The following PSD3 variants were observed in gnomAD, a reference collection of about 807,000 sequenced individuals.
The protein encoded by PSD3 is pleckstrin and Sec7 domain containing 3, also known as PH and SEC7 domain-containing protein 3.
Under a neutral mutation model 105.5 loss-of-function variants are expected in PSD3, and 49 were observed. The ratio of observed to expected loss-of-function variants is 0.46; its 90% CI spans 0.37 to 0.59. The LOEUF is 0.59. PSD3 is among the 20% of genes least tolerant of loss of function. The pLI is 0.00. For missense variants in PSD3, 1,561 were observed against 1,263.8 expected (o/e 1.24, Z -3.57); for synonymous variants, 557 against 457.8 (o/e 1.22, Z -2.77).
chr8:18,537,466 C>G (rs1307806547), intron 15 of PSD3, among the ~76,000 whole-genome samples: 1 of 152,170 alleles, frequency 6.6e-6, no homozygotes, highest in African/African-American at 2.4e-5. Context: ...AGGCCATTCT[C>G]AACTCCTTCT....
intron 1 of PSD3, among the ~76,000 whole-genome samples, chr8:18,998,853 A>G (rs1365600): frequency 0.7 from 105,958 of 151,500 alleles, 37,888 homozygotes; most frequent in East Asian, 0.91. Flanking sequence ...TTCCAGGTGT[A>G]ACCCATTTTC....
chr8:18,857,567 G>C (rs999359632), intron 4 of PSD3, among the ~76,000 whole-genome samples: 1 of 152,210 alleles, frequency 6.6e-6, no homozygotes, highest in African/African-American at 2.4e-5. Flanking sequence ...AGAGCTCCCT[G>C]TATGATTCTA....
At chr8:18,782,944 G>A (rs1380410619) in intron 8 of PSD3, among the ~76,000 whole-genome samples, 1 of 152,170 alleles carries the variant, frequency 6.6e-6, no homozygotes, top group African/African-American at 2.4e-5. Context: ...GTTTTAGAAT[G>A]CAAGAAATAT....
At chr8:19,079,910 G>C (rs1172128722) in intron 1 of PSD3, among the ~76,000 whole-genome samples, 1 of 126,668 alleles carries the variant, frequency 7.9e-6, no homozygotes, top group Non-Finnish European at 1.7e-5. Flanking sequence ...TTTTTTTTGA[G>C]ACAGAGTCTA....
chr8:18,777,331 G>T (rs545081030), intron 8 of PSD3, among the ~76,000 whole-genome samples: 1 of 152,292 alleles, frequency 6.6e-6, no homozygotes, highest in East Asian at 1.9e-4. Context: ...GTGAGCCACT[G>T]TGCCTTGCCA....
At chr8:18,657,340 G>C (rs1408513417) in intron 9 of PSD3, among the ~76,000 whole-genome samples, 2 of 152,080 alleles carry the variant, frequency 1.3e-5, no homozygotes, top group Admixed American at 6.5e-5. Flanking sequence ...TATTATTTAC[G>C]ACTCAATACG....
intron 4 of PSD3, among the ~76,000 whole-genome samples, chr8:18,861,362 C>A (rs1816428521): frequency 6.6e-6 from 1 of 152,160 alleles, no homozygotes; most frequent in African/African-American, 2.4e-5. Context: ...ACAGTCCCAT[C>A]CTCAGCCCAC....
At chr8:18,941,184 C>T (rs553868937) in intron 1 of PSD3, among the ~76,000 whole-genome samples, 46 of 152,244 alleles carry the variant, frequency 3.0e-4, no homozygotes, top group African/African-American at 3.1e-4. Context: ...GTTGTTTTTA[C>T]GAACATAAAT....
chr8:18,777,358 A>T (rs1030431107), intron 8 of PSD3, among the ~76,000 whole-genome samples: 1 of 152,042 alleles, frequency 6.6e-6, no homozygotes, highest in Non-Finnish European at 1.5e-5. Context: ...CCAATGTTTT[A>T]AAAAACCCAA....
chr8:18,744,335 T>C (rs1320298007), intron 9 of PSD3, among the ~76,000 whole-genome samples: 2 of 152,118 alleles, frequency 1.3e-5, no homozygotes, highest in Non-Finnish European at 2.9e-5. Context: ...TGGTGCTAAG[T>C]ATCAGAGAAT....
At chr8:18,838,847 T>C (rs1296687334) in intron 4 of PSD3, among the ~76,000 whole-genome samples, 1 of 146,256 alleles carries the variant, frequency 6.8e-6, no homozygotes, top group Non-Finnish European at 1.5e-5. Flanking sequence ...ATAATAATAA[T>C]AATGTTCAAG....
At chr8:18,643,695 C>G (rs553226358) in intron 10 of PSD3, among the ~76,000 whole-genome samples, 1 of 152,218 alleles carries the variant, frequency 6.6e-6, no homozygotes, top group Non-Finnish European at 1.5e-5. Flanking sequence ...GTCCCAAATC[C>G]TGAAAACACT....
intron 1 of PSD3, among the ~76,000 whole-genome samples, chr8:18,947,467 A>T (rs1223072644): frequency 6.6e-6 from 1 of 152,068 alleles, no homozygotes; most frequent in East Asian, 1.9e-4. Context: ...CACTCTGTCC[A>T]TTTCCAGTGT....
Position 18,574,762 on chromosome 8 carries a change from G to T in PSD3, c.2639+366C>A, listed in dbSNP as rs189973263. Among the ~76,000 whole-genome samples, 133 of 152,278 alleles carry T rather than the reference G, an allele frequency of 8.7e-4. 1 individual carries two copies. The highest frequency in any genetic ancestry group is 3.1e-3 in the African/African-American group (127 of 41,560). On this transcript the variant is annotated intron_variant, in intron 13 of 15. Transcript: ENST00000327040. ...ACTAGTGACGAGCTGAGGTTCAGAG[G>T]TTAAACTATGTGCTAGGAGAAAGAG...
At chr8:18,812,664 T>C (rs1811795672) in intron 4 of PSD3, among the ~76,000 whole-genome samples, 1 of 152,130 alleles carries the variant, frequency 6.6e-6, no homozygotes, top group African/African-American at 2.4e-5. Flanking sequence ...AGACCAAAGT[T>C]AACACAGGTT....
intron 8 of PSD3, among the ~76,000 whole-genome samples, chr8:18,785,600 C>A (rs547698210): frequency 6.6e-6 from 1 of 152,288 alleles, no homozygotes; most frequent in East Asian, 1.9e-4. Context: ...ACCGGAATGG[C>A]ACTTTTAATT....
At chr8:18,671,369 G>C (rs2130913121) in intron 9 of PSD3, among the ~76,000 whole-genome samples, 1 of 152,228 alleles carries the variant, frequency 6.6e-6, no homozygotes, top group East Asian at 1.9e-4. Context: ...TTTTACATGA[G>C]ACACACTAAA....
chr8:18,819,144 C>T (rs902799), intron 4 of PSD3, among the ~76,000 whole-genome samples: 124,927 of 152,130 alleles, frequency 0.82, 51,753 homozygotes, highest in East Asian at 0.91. Context: ...CCAAATCCAA[C>T]ACTTTTTGTC....
chr8:19,029,094 A>T (rs1827667909), intron 1 of PSD3, among the ~76,000 whole-genome samples: 1 of 152,182 alleles, frequency 6.6e-6, no homozygotes, highest in Non-Finnish European at 1.5e-5. Flanking sequence ...CAAGTAGTGT[A>T]AGTATTCTAA....
Sources: gnomAD v4.1 joint callset for allele counts (sites outside exome capture counted in the v4.1 genomes callset) on GRCh38, gnomAD v4.1.1 for gene constraint, MANE v1.5 for transcripts, NCBI Gene and HGNC (gene_info 2026-07-23, HGNC 2026-07-21) for gene names.